CAMK2G: variants seen among roughly 807,000 people sequenced by gnomAD.
The protein encoded by CAMK2G is calcium/calmodulin dependent protein kinase II gamma.
A neutral mutation model predicts 88.7 loss-of-function variants in CAMK2G; 23 were observed. That is an observed-to-expected ratio of 0.26 (90% CI 0.19 to 0.37). The LOEUF is 0.37. CAMK2G is among the 10% of genes least tolerant of loss of function. CAMK2G has a pLI of 1.00. For synonymous variants in CAMK2G, 263 were observed against 294.8 expected (o/e 0.89, Z 1.11); for missense variants, 476 against 780.8 (o/e 0.61, Z 4.65).
At chr10:73,826,561 T>C (rs1489251212) in intron 15 of CAMK2G, among the ~76,000 whole-genome samples, 1 of 152,194 alleles carries the variant, frequency 6.6e-6, no homozygotes, top group Non-Finnish European at 1.5e-5. Flanking sequence ...CATGTGATGT[T>C]CTTTGCCTCT....
chr10:73,872,870 A>C, intron 2 of CAMK2G, 119 bp downstream of exon 2: 1 of 765,118 alleles, frequency 1.3e-6, no homozygotes, highest in Non-Finnish European at 2.4e-6. Flanking sequence ...AACCAGTCTG[A>C]AATTCCAACT....
intron 10 of CAMK2G, chr10:73,846,799 T>C (rs991769292): frequency 1.2e-5 from 2 of 165,862 alleles, no homozygotes; most frequent in African/African-American, 4.8e-5. Context: ...TCAGCTTTTA[T>C]GCTTTTAATG....
chr10:73,817,504 T>C lies in CAMK2G; in HGVS notation c.1414A>G (p.Asn472Asp). Residue 472 changes from asparagine to aspartate, a missense_variant, in exon 20 of 23, where the codon AAC (asparagine) becomes GAC (aspartate). This residue lies in a region of CAMK2G where 278 missense variants were observed against 366.5 expected (regional missense o/e 0.76). Transcript: ENST00000423381. Reference sequence around the variant, plus strand: ...GTGTAGGCCTCAAAGTCCCCATTGTTGATGGCTTCAATCAGCTGTTCTGTA... The same window carrying C: ...GTGTAGGCCTCAAAGTCCCCATTGTCGATGGCTTCAATCAGCTGTTCTGTA... ...KITEQLIEAINNGDFEAYTKI... is the reference protein window; with the variant it reads ...KITEQLIEAIDNGDFEAYTKI... 13 of 1,613,184 alleles carry C rather than the reference T, an allele frequency of 8.1e-6. No individual in the cohort carries two copies. The highest frequency in any genetic ancestry group is 1.1e-5 in the Non-Finnish European group (13 of 1,179,106).
chr10:73,837,438 C>A (rs1291835504), intron 14 of CAMK2G, 30 bp downstream of exon 14: 1 of 1,586,848 alleles, frequency 6.3e-7, no homozygotes, highest in Non-Finnish European at 8.7e-7. Flanking sequence ...GAGAAAGAGG[C>A]CAGTCTGTTC....
intron 2 of CAMK2G, among the ~76,000 whole-genome samples, chr10:73,865,100 G>A (rs932562804): frequency 2.6e-5 from 4 of 152,332 alleles, no homozygotes; most frequent in Middle Eastern, 3.4e-3. Flanking sequence ...TGTGGCCACA[G>A]CTATCACCAG....
intron 2 of CAMK2G, among the ~76,000 whole-genome samples, chr10:73,868,455 C>T (rs547828681): frequency 5.9e-5 from 9 of 152,202 alleles, no homozygotes; most frequent in Non-Finnish European, 1.2e-4. Context: ...CTGGCAGAAG[C>T]CTTTGCACAG....
chr10:73,817,811 T>A, intron 19 of CAMK2G: 1 of 532,558 alleles, frequency 1.9e-6, no homozygotes, highest in Non-Finnish European at 3.4e-6. Context: ...TCCCTTTCCA[T>A]CAACAACCAG....
rs890438023 is a variant in CAMK2G, at chr10:73,872,930, A to G, written c.160+59T>C. 7 of 1,124,974 alleles carry G rather than the reference A, an allele frequency of 6.2e-6. No individual in the cohort carries two copies. The African/African-American group carries it at 7.6e-5, about 12-fold the overall frequency. The allele number at this position is 1,124,974 out of a possible 1,614,324, so 69.7% of individuals were successfully genotyped here. A position where few individuals can be genotyped will look rare whatever the true frequency, so the allele number is the denominator to read the frequency against. On this transcript the variant is annotated intron_variant, in intron 2 of 22. Transcript: ENST00000423381. ...ACCCCCAATTCCTGGGGCTTCCTCA[A>G]AAGAAACCATGGCCCCTGGAGGCAC... is the stretch of plus-strand genomic sequence containing the variant.
chr10:73,858,975 T>C (rs1293750932), intron 3 of CAMK2G, among the ~76,000 whole-genome samples: 1 of 152,258 alleles, frequency 6.6e-6, no homozygotes, highest in Non-Finnish European at 1.5e-5. Flanking sequence ...TTCTGCTTCC[T>C]GCATCACTGA....
chr10:73,847,156 G>A, intron 10 of CAMK2G, 69 bp downstream of exon 10: 1 of 1,523,966 alleles, frequency 6.6e-7, no homozygotes, highest in Non-Finnish European at 9.1e-7. Context: ...TAAGAAGGAG[G>A]GGGTGGTGCC....
Position 73,874,534 on chromosome 10 carries a change from G to A in CAMK2G, c.-73C>T, listed in dbSNP as rs538028679. 1,299 of 1,069,490 alleles carry A rather than the reference G, an allele frequency of 1.2e-3. 16 individuals carry two copies. In the African/African-American group the frequency reaches 0.02, roughly 16 times the overall value. 66.3% of individuals were successfully genotyped at this position (1,069,490 alleles called of 1,614,324 possible). A position where few individuals can be genotyped will look rare whatever the true frequency, so the allele number is the denominator to read the frequency against. ...GCACAGTCACCGCCGCCCGGCCGAG[G>A]GAGCAAGAGGAGGAGACGGGGCTGA... On this transcript the variant is annotated 5_prime_UTR_variant, in exon 1 of 23. Coordinates refer to ENST00000423381, the MANE Select transcript of CAMK2G (RefSeq NM_001367534.1).
chr10:73,828,108 C>G lies in CAMK2G; in HGVS notation c.1067G>C (p.Ser356Thr). Residue 356 changes from serine to threonine, a missense_variant, in exon 15 of 23, where the codon AGT (serine) becomes ACT (threonine). This residue lies in a region of CAMK2G where 278 missense variants were observed against 366.5 expected (regional missense o/e 0.76). Transcript: ENST00000423381. ...SDGGVKKRKS[S>T]SSVHLMPQSN... is the part of the protein sequence containing the mutation. ...GCTCACCATTAGGTGCACGCTGGAA[C>G]TCGACTTCCTTTTCTGGACACACCA... 1 of 1,613,678 alleles carries G rather than the reference C, an allele frequency of 6.2e-7. No homozygotes were observed. Among genetic ancestry groups the G allele is most frequent in the Non-Finnish European group, 8.5e-7 (1 of 1,179,574 alleles).
At chr10:73,862,064 C>G (rs553730648) in intron 2 of CAMK2G, among the ~76,000 whole-genome samples, 9 of 152,238 alleles carry the variant, frequency 5.9e-5, no homozygotes, top group Admixed American at 4.6e-4. Context: ...GGTGGAATAA[C>G]CAGAAATCCA....
rs1044612 is a variant in CAMK2G at position 73,813,153 on chromosome 10, C to T, written c.*1365G>A. On this transcript the variant is annotated 3_prime_UTR_variant, in exon 23 of 23. Transcript: ENST00000423381. ...CCTCCATTATCTTCTTTGCTATCTG[C>T]TTAGGGTATAGATCTCTTCCTCCTG... is the stretch of plus-strand genomic sequence containing the variant. The T allele has an allele frequency of 0.014, 2,141 of 152,834 alleles. 15 individuals are homozygous for T. The highest frequency in any genetic ancestry group is 0.025 in the Non-Finnish European group (1,680 of 68,066). The allele number at this position is 152,834 out of a possible 1,614,324, so 9.5% of individuals were successfully genotyped here. A position where few individuals can be genotyped will look rare whatever the true frequency, so the allele number is the denominator to read the frequency against.
chr10:73,837,000 A>G (rs1028025758), intron 14 of CAMK2G: 1 of 171,216 alleles, frequency 5.8e-6, no homozygotes, highest in African/African-American at 2.4e-5. Context: ...TGGGATCTGA[A>G]AGTGTTGTAG....
At chr10:73,859,268 G>T (rs1369304560) in intron 3 of CAMK2G, among the ~76,000 whole-genome samples, 1 of 152,248 alleles carries the variant, frequency 6.6e-6, no homozygotes, top group Non-Finnish European at 1.5e-5. Flanking sequence ...ACAGTGGCCA[G>T]CGGGCTGCAG....
chr10:73,848,682 C>A lies in CAMK2G; in HGVS notation c.518-73G>T. 1.2e-6 allele frequency: 1 copy of A among 835,992 alleles called. No individual in the cohort carries two copies. The highest frequency in any genetic ancestry group is 2.0e-6 in the Non-Finnish European group (1 of 510,032). 51.8% of individuals were successfully genotyped at this position (835,992 alleles called of 1,614,324 possible). ...CGTTAAATCCACACCAGCCATTTCC[C>A]CCAAGTCCCATCTTATTCCTGCTGC... On this transcript the variant is annotated intron_variant, in intron 7 of 22. Transcript: ENST00000423381. The surrounding 1 kb of genome is among the most constrained non-coding windows in gnomAD (Gnocchi z 4.5).
At chr10:73,834,038 C>T (rs2092898310) in intron 14 of CAMK2G, among the ~76,000 whole-genome samples, 1 of 147,096 alleles carries the variant, frequency 6.8e-6, no homozygotes. Flanking sequence ...CCTGCCTCAA[C>T]CTCCCAAGTA....
chr10:73,867,085 C>T (rs992524975), intron 2 of CAMK2G, among the ~76,000 whole-genome samples: 3 of 152,194 alleles, frequency 2.0e-5, no homozygotes, highest in African/African-American at 4.8e-5. Context: ...TACAGAGGGA[C>T]GGGGCCTGAA....
Sources: gnomAD v4.1 joint callset for allele counts (sites outside exome capture counted in the v4.1 genomes callset) on GRCh38, gnomAD v4.1.1 for gene constraint, gnomAD v4.1.1 regional missense constraint, Gnocchi (gnomAD v3.1) non-coding constraint, MANE v1.5 for transcripts, NCBI Gene and HGNC (gene_info 2026-07-23, HGNC 2026-07-21) for gene names.